The following KLHL29 variants were observed in gnomAD, a reference collection of about 807,000 sequenced individuals.
The protein encoded by KLHL29 is kelch like family member 29.
KLHL29 carries 21 observed loss-of-function variants against 80.4 expected under a neutral mutation model. The ratio of observed to expected loss-of-function variants is 0.26; its 90% CI spans 0.19 to 0.38. The LOEUF is 0.38. Ranked by LOEUF, KLHL29 falls within the 10% of genes least tolerant of loss-of-function variation. The pLI is 1.00. For synonymous variants in KLHL29, 511 were observed against 526.8 expected (o/e 0.97, Z 0.41); for missense variants, 867 against 1,223.9 (o/e 0.71, Z 4.35).
intron 3 of KLHL29, among the ~76,000 whole-genome samples, chr2:23,625,250 C>G (rs960502632): frequency 2.6e-5 from 4 of 152,210 alleles, no homozygotes; most frequent in Non-Finnish European, 5.9e-5. Flanking sequence ...GGGTATAACT[C>G]ACTCCACTTA....
intron 5 of KLHL29, among the ~76,000 whole-genome samples, chr2:23,663,646 G>A (rs1478131235): frequency 6.6e-6 from 1 of 152,222 alleles, no homozygotes; most frequent in African/African-American, 2.4e-5. Flanking sequence ...ATGGCTGTAA[G>A]CTATTGACTG....
chr2:23,508,424 T>C (rs1665668784), intron 2 of KLHL29, among the ~76,000 whole-genome samples: 1 of 152,206 alleles, frequency 6.6e-6, no homozygotes, highest in African/African-American at 2.4e-5. Context: ...TTTCTGCTCA[T>C]ACAGAAGCTC....
intron 2 of KLHL29, among the ~76,000 whole-genome samples, chr2:23,536,143 C>A (rs1039082894): frequency 6.6e-6 from 1 of 152,198 alleles, no homozygotes; most frequent in Non-Finnish European, 1.5e-5. Context: ...ATGCCAGGTC[C>A]TTTTGTCAAG....
intron 1 of KLHL29, among the ~76,000 whole-genome samples, chr2:23,415,254 G>A (rs1028776479): frequency 1.3e-5 from 2 of 152,176 alleles, no homozygotes; most frequent in Admixed American, 1.3e-4. Flanking sequence ...ATGCAAGACG[G>A]GCTTAGCTTC....
rs1485517489 is a variant in KLHL29 at position 23,435,911 on chromosome 2, T to TC, written c.-153-39649_-153-39648insC. Among the ~76,000 whole-genome samples the TC allele has an allele frequency of 3.3e-5, 5 of 151,822 alleles. No individual in the cohort carries two copies. The East Asian group carries it at 9.7e-4, about 29-fold the overall frequency. On this transcript the variant is annotated intron_variant, in intron 1 of 13. Coordinates refer to ENST00000486442, the MANE Select transcript of KLHL29 (RefSeq NM_052920.2). The stretch of plus-strand genomic sequence containing the variant: ...TCTCTCTCTCTCTCTTTTTTTTTTT[T>TC]TTTTTTTAAAAAGGAAAGCTGTTGT...
At chr2:23,406,327 C>CAA (rs776095410) in intron 1 of KLHL29, among the ~76,000 whole-genome samples, 5,452 of 45,154 alleles carry the variant, frequency 0.12, 300 homozygotes, top group African/African-American at 0.27. Context: ...GACTCCATCT[C>CAA]AAAAAAAAAA....
At chr2:23,598,893 G>A (rs1030282) in intron 3 of KLHL29, among the ~76,000 whole-genome samples, 95,532 of 152,142 alleles carry the variant, frequency 0.63, 30,737 homozygotes, top group South Asian at 0.74. Flanking sequence ...GGCCCTCTTC[G>A]GCCCCAGAAG....
chr2:23,547,980 C>T (rs752820011), intron 2 of KLHL29, among the ~76,000 whole-genome samples: 8 of 152,062 alleles, frequency 5.3e-5, no homozygotes, highest in Admixed American at 3.9e-4. Flanking sequence ...TGGTCTGAGG[C>T]CTGTGTGCGT....
intron 1 of KLHL29, among the ~76,000 whole-genome samples, chr2:23,423,185 C>T (rs922724285): frequency 1.1e-4 from 16 of 152,210 alleles, no homozygotes; most frequent in Non-Finnish European, 1.3e-4. Flanking sequence ...CATCCGCTTA[C>T]TGTTCTTTTT....
chr2:23,694,162 G>A (rs1421648708), intron 8 of KLHL29, among the ~76,000 whole-genome samples: 6 of 152,314 alleles, frequency 3.9e-5, no homozygotes, highest in African/African-American at 1.4e-4. Context: ...GTGGCCTTCT[G>A]GGCCTCTCCA....
At chr2:23,517,041 T>C (rs1665954323) in intron 2 of KLHL29, among the ~76,000 whole-genome samples, 1 of 152,216 alleles carries the variant, frequency 6.6e-6, no homozygotes. Context: ...CAGAGCTCCC[T>C]GTTTGTCAGC....
In KLHL29 at chr2:23,574,139, TC is replaced by T. The variant is rs376507582; in HGVS notation, c.285+11661del. On this transcript the variant is annotated intron_variant, in intron 3 of 13. Coordinates refer to ENST00000486442, the MANE Select transcript of KLHL29 (RefSeq NM_052920.2). ...GAGCAGCCACGATTTGCCACTGTCTTCCCTGTGAGCTCAGCGCCACTTTGGA... is the reference window on the plus strand; with the variant it reads ...GAGCAGCCACGATTTGCCACTGTCTTCCTGTGAGCTCAGCGCCACTTTGGA... Among the ~76,000 whole-genome samples, 196 of 152,210 alleles carry T rather than the reference TC, an allele frequency of 1.3e-3. 1 individual carries two copies. Among genetic ancestry groups the T allele is most frequent in the African/African-American group, 4.7e-3 (194 of 41,536 alleles).
At chr2:23,616,762 CCTG>C (rs1232502698) in intron 3 of KLHL29, 1 of 152,168 alleles carries the variant, frequency 6.6e-6, no homozygotes, top group Admixed American at 6.5e-5. Context: ...ACACAGAGCC[CCTG>C]AAAGGTAGCT....
At chr2:23,616,710 A>G (rs1669015721) in intron 3 of KLHL29, 1 of 152,228 alleles carries the variant, frequency 6.6e-6, no homozygotes, top group Non-Finnish European at 1.5e-5. Flanking sequence ...CTTTCTGGAA[A>G]TGAGCGAACG....
chr2:23,409,123 T>G (rs1666801250), intron 1 of KLHL29, among the ~76,000 whole-genome samples: 1 of 152,066 alleles, frequency 6.6e-6, no homozygotes, highest in South Asian at 2.1e-4. Flanking sequence ...CAAACGTGAG[T>G]ATGAAGAACC....
Position 23,447,717 on chromosome 2 carries a change from G to A in KLHL29, c.-153-27843G>A, listed in dbSNP as rs371419946. ...TTAGCCAAAATTCTGAAATAGAAAA[G>A]GCTCTGCAAACAGGAAATCATTTGA... On this transcript the variant is annotated intron_variant, in intron 1 of 13. Transcript: ENST00000486442. 3.9e-5 allele frequency among the ~76,000 whole-genome samples: 6 copies of A among 152,138 alleles called. No individual in the cohort carries two copies. In the South Asian group the frequency reaches 6.2e-4, roughly 16 times the overall value.
chr2:23,675,444 C>T (rs560619005), intron 5 of KLHL29, among the ~76,000 whole-genome samples: 2 of 149,254 alleles, frequency 1.3e-5, no homozygotes, highest in Admixed American at 6.6e-5. Context: ...AGAGACTGTA[C>T]CCCTTGACTC....
chr2:23,568,854 C>G (rs529058672), intron 3 of KLHL29, among the ~76,000 whole-genome samples: 1 of 152,328 alleles, frequency 6.6e-6, no homozygotes, highest in South Asian at 2.1e-4. Context: ...TGGCATGCCT[C>G]AGGCAGAAAG....
intron 2 of KLHL29, among the ~76,000 whole-genome samples, chr2:23,492,866 C>T (rs1020315455): frequency 1.3e-5 from 2 of 152,146 alleles, no homozygotes; most frequent in African/African-American, 4.8e-5. Context: ...GCCCTCCTTA[C>T]CGTAGCCTCA....
Sources: gnomAD v4.1 joint callset for allele counts (sites outside exome capture counted in the v4.1 genomes callset) on GRCh38, gnomAD v4.1.1 for gene constraint, MANE v1.5 for transcripts, NCBI Gene and HGNC (gene_info 2026-07-23, HGNC 2026-07-21) for gene names.